Variants in GUCY2F observed in about 807,000 individuals in gnomAD.
The protein encoded by GUCY2F is retinal guanylyl cyclase 2.
Under a neutral mutation model 73.1 loss-of-function variants are expected in GUCY2F, and 61 were observed. The observed-to-expected ratio is 0.83, with a 90% CI of 0.68 to 1.03. GUCY2F has a LOEUF of 1.03. GUCY2F is among the 50% of genes least tolerant of loss of function. The pLI is 0.00. For missense variants in GUCY2F, 912 were observed against 854.3 expected, an observed-to-expected ratio of 1.07 and a Z score of -0.84; for synonymous variants, 331 against 307.8, an observed-to-expected ratio of 1.08 and a Z score of -0.79.
intron 1 of GUCY2F, among the ~76,000 whole-genome samples, chrX:109,477,930 T>C (rs1459597673): frequency 1.8e-5 from 2 of 111,884 alleles, no homozygotes; most frequent in Non-Finnish European, 3.8e-5. Flanking sequence ...TGAAAGCTGA[T>C]TTGAATGAGA....
chrX:109,458,755 A>T (rs1446463514), intron 3 of GUCY2F, among the ~76,000 whole-genome samples: 1 of 111,475 alleles, frequency 9.0e-6, no homozygotes, highest in Non-Finnish European at 1.9e-5. Flanking sequence ...ATAATGGCTA[A>T]CATTAATTGA....
At chrX:109,421,991 T>C (rs958319609) in intron 8 of GUCY2F, among the ~76,000 whole-genome samples, 6 of 111,802 alleles carry the variant, frequency 5.4e-5, no homozygotes, top group African/African-American at 1.6e-4. Flanking sequence ...AGACACTGTA[T>C]CATTCCATTT....
At chrX:109,405,917 A>T (rs2147259761) in intron 9 of GUCY2F, among the ~76,000 whole-genome samples, 1 of 111,651 alleles carries the variant, frequency 9.0e-6, no homozygotes, top group East Asian at 2.8e-4. Context: ...AACAACGAGT[A>T]CCTCATTTAA....
At chrX:109,447,822 A>G (rs1932052654) in intron 6 of GUCY2F, among the ~76,000 whole-genome samples, 2 of 111,513 alleles carry the variant, frequency 1.8e-5, no homozygotes, top group Admixed American at 9.5e-5. Flanking sequence ...TTAATAATAT[A>G]CTTTAACCCA....
chrX:109,450,897 A>T (rs944092661), intron 5 of GUCY2F, among the ~76,000 whole-genome samples: 2 of 111,868 alleles, frequency 1.8e-5, no homozygotes, highest in African/African-American at 6.5e-5. Flanking sequence ...CATCTAATCC[A>T]ATTTCTTCAT....
intron 13 of GUCY2F, 125 bp downstream of exon 13, chrX:109,392,767 G>T: frequency 2.3e-6 from 1 of 442,976 alleles, no homozygotes; most frequent in Non-Finnish European, 3.9e-6. Flanking sequence ...CCCACTAGGA[G>T]AAGAGAAGGT....
intron 6 of GUCY2F, among the ~76,000 whole-genome samples, chrX:109,447,464 T>C (rs1932041402): frequency 9.0e-6 from 1 of 110,519 alleles, no homozygotes; most frequent in South Asian, 3.9e-4. Flanking sequence ...GATGAGTTCA[T>C]GTCCTTTGTA....
At chrX:109,443,267 G>A (rs1343877553) in intron 6 of GUCY2F, among the ~76,000 whole-genome samples, 5 of 110,188 alleles carry the variant, frequency 4.5e-5, no homozygotes, top group Non-Finnish European at 9.5e-5. Context: ...TTTCCACCTC[G>A]GCCAAAATAG....
chrX:109,373,388 A>G (rs774063952), intron 19 of GUCY2F, among the ~76,000 whole-genome samples: 33 of 111,663 alleles, frequency 3.0e-4, no homozygotes, highest in Non-Finnish European at 5.3e-4. Flanking sequence ...GATTTAACCC[A>G]CATGGAGCAG....
chrX:109,387,152 A>T (rs1387253082), intron 15 of GUCY2F, among the ~76,000 whole-genome samples: 1 of 112,215 alleles, frequency 8.9e-6, no homozygotes, highest in Admixed American at 9.4e-5. Context: ...TCCAGGCAAG[A>T]GATCTTGGTG....
At chrX:109,445,708 G>A (rs949610703) in intron 6 of GUCY2F, among the ~76,000 whole-genome samples, 7 of 111,093 alleles carry the variant, frequency 6.3e-5, no homozygotes, top group African/African-American at 2.3e-4. Context: ...CTTTGAAAAC[G>A]GGCACAAGAC....
At chrX:109,454,632 A>G (rs1448327698) in intron 3 of GUCY2F, among the ~76,000 whole-genome samples, 1 of 112,291 alleles carries the variant, frequency 8.9e-6, no homozygotes, top group Non-Finnish European at 1.9e-5. Flanking sequence ...ATATGGTAAA[A>G]GCAACAATGT....
At chrX:109,437,508 A>G (rs1931779141) in intron 7 of GUCY2F, among the ~76,000 whole-genome samples, 1 of 112,817 alleles carries the variant, frequency 8.9e-6, no homozygotes. Context: ...ACATACCACA[A>G]TTTAACACAT....
intron 14 of GUCY2F, among the ~76,000 whole-genome samples, chrX:109,391,618 C>T (rs778736810): frequency 3.6e-5 from 4 of 111,695 alleles, no homozygotes; most frequent in African/African-American, 1.3e-4. Context: ...TGTGCAATAA[C>T]TCTCTTGGTC....
At chrX:109,462,510 T>C (rs1258063350) in intron 3 of GUCY2F, among the ~76,000 whole-genome samples, 1 of 112,422 alleles carries the variant, frequency 8.9e-6, no homozygotes, top group Non-Finnish European at 1.9e-5. Flanking sequence ...GGATTCTTTG[T>C]TGTAGCTATT....
chrX:109,475,145 T>C, intron 2 of GUCY2F, 62 bp downstream of exon 2: 3 of 1,097,083 alleles, frequency 2.7e-6, no homozygotes, highest in South Asian at 4.2e-5. Flanking sequence ...AGGAAACCTT[T>C]TGGAGATTGT....
chrX:109,468,815 T>C (rs1932520147), intron 2 of GUCY2F, among the ~76,000 whole-genome samples: 1 of 112,207 alleles, frequency 8.9e-6, no homozygotes, highest in Non-Finnish European at 1.9e-5. Context: ...GTAGAAAGCA[T>C]AAATACTGAA....
At chrX:109,413,297 A>C (rs907908761) in intron 8 of GUCY2F, among the ~76,000 whole-genome samples, 1 of 112,267 alleles carries the variant, frequency 8.9e-6, no homozygotes, top group African/African-American at 3.2e-5. Flanking sequence ...CAGGGTAGAC[A>C]TATACTTTAC....
intron 17 of GUCY2F, among the ~76,000 whole-genome samples, chrX:109,381,871 A>C (rs1359145455): frequency 8.9e-6 from 1 of 112,876 alleles, no homozygotes; most frequent in Non-Finnish European, 1.9e-5. Context: ...AGAGAAAGAT[A>C]CAACTTACAG....
Sources: gnomAD v4.1 joint callset for allele counts (sites outside exome capture counted in the v4.1 genomes callset) on GRCh38, gnomAD v4.1.1 for gene constraint, MANE v1.5 for transcripts, NCBI Gene and HGNC (gene_info 2026-07-23, HGNC 2026-07-21) for gene names.